Variants in PCBP4 observed in about 807,000 individuals in gnomAD.
PCBP4 encodes poly(rC)-binding protein 4.
A neutral mutation model predicts 46.2 loss-of-function variants in PCBP4; 24 were observed. That is an observed-to-expected ratio of 0.52 (90% CI 0.38 to 0.73). The LOEUF is 0.73. Among genes scored for constraint, PCBP4 ranks in the 30% least tolerant of loss-of-function variants. PCBP4 has a pLI of 0.00. For synonymous variants in PCBP4, 203 were observed against 224.4 expected (o/e 0.90, Z 0.85); for missense variants, 407 against 537.0 (o/e 0.76, Z 2.39).
At chr3:51,961,724 G>T in intron 2 of PCBP4, 1 of 992,048 alleles carries the variant, frequency 1.0e-6, no homozygotes, top group Non-Finnish European at 1.2e-6. Flanking sequence ...GGGCCCTGAA[G>T]GTGGAGTTCA....
chr3:51,959,806 C>G lies in PCBP4; in HGVS notation c.516+89G>C. Reference sequence around the variant, plus strand: ...TCCCTGCAGCCCTGCCCTGCCCCACCTGCAGCACAGGCATAGGGTTTGGGG... The same window carrying G: ...TCCCTGCAGCCCTGCCCTGCCCCACGTGCAGCACAGGCATAGGGTTTGGGG... On this transcript the variant is annotated intron_variant, in intron 8 of 13. Coordinates refer to ENST00000461554, the MANE Select transcript of PCBP4 (RefSeq NM_001174100.2). The surrounding 1 kb of genome is among the most constrained non-coding windows in gnomAD (Gnocchi z 5.6). The G allele has an allele frequency of 6.5e-7, 1 of 1,533,286 alleles. No homozygotes were observed. Among genetic ancestry groups the G allele is most frequent in the East Asian group, 2.3e-5 (1 of 44,368 alleles). 95.0% of individuals were successfully genotyped at this position (1,533,286 alleles called of 1,614,324 possible).
At chr3:51,965,520 C>A (rs1304979381) in intron 1 of PCBP4, among the ~76,000 whole-genome samples, 1 of 152,220 alleles carries the variant, frequency 6.6e-6, no homozygotes, top group African/African-American at 2.4e-5. Context: ...TCAAAGAAGT[C>A]CCCGCTGGGC....
intron 1 of PCBP4, among the ~76,000 whole-genome samples, chr3:51,963,979 G>A (rs1020278330): frequency 8.5e-5 from 13 of 152,304 alleles, no homozygotes; most frequent in African/African-American, 3.1e-4. Context: ...GGTCTTTGCC[G>A]GGCCACCCAC....
In PCBP4 at chr3:51,960,667, G is replaced by T; in HGVS notation, c.139-25C>A. On this transcript the variant is annotated intron_variant, in intron 5 of 13. Transcript: ENST00000461554. This position sits in a 1 kb window ranked among gnomAD's most constrained non-coding sequence, Gnocchi z 5.0. ...TCTGCAGATATAGAATGAGCGCCGG[G>T]CAGCGGGGCATCTTCCCTGCTCCCT... The T allele has an allele frequency of 6.3e-7, 1 of 1,575,746 alleles. No individual in the cohort carries two copies. Among genetic ancestry groups the T allele is most frequent in the African/African-American group, 1.3e-5 (1 of 74,200 alleles).
rs1577685028 is a variant in PCBP4 at position 51,961,293 on chromosome 3, A to G, written c.-53T>C. On this transcript the variant is annotated 5_prime_UTR_variant, in exon 3 of 14. Coordinates refer to ENST00000461554, the MANE Select transcript of PCBP4 (RefSeq NM_001174100.2). ...GACCTGCGAGTGTGTCCGCGCTGCA[A>G]CCTGGCCGGCTCTGGCAGGGGCAGC... The G allele has an allele frequency of 1.3e-6, 2 of 1,580,694 alleles. No homozygotes were observed. Among genetic ancestry groups the G allele is most frequent in the East Asian group, 2.3e-5 (1 of 43,628 alleles).
Position 51,964,420 on chromosome 3 carries a change from G to A in PCBP4, c.-212-2332C>T, listed in dbSNP as rs559640539. On this transcript the variant is annotated intron_variant, in intron 1 of 13. Coordinates refer to ENST00000461554, the MANE Select transcript of PCBP4 (RefSeq NM_001174100.2). ...CCAGGCGATTCAAGTAGACTGGCCC[G>A]CCCCTTGGGGGATTCCCTCCGCTCT... Among the ~76,000 whole-genome samples, 90 of 152,298 alleles carry A rather than the reference G, an allele frequency of 5.9e-4. No individual in the cohort carries two copies. The South Asian group carries it at 6.6e-3, about 11-fold the overall frequency.
rs535602109 is a variant in PCBP4, at chr3:51,958,671, A to G, written c.923+119T>C. On this transcript the variant is annotated intron_variant, in intron 13 of 13. Transcript: ENST00000461554. This position sits in a 1 kb window ranked among gnomAD's most constrained non-coding sequence, Gnocchi z 5.4. ...CATGGGGAATTGGAGTAGGGTTAGG[A>G]GAGGCAGAGGTCGGGCCCAGACAGA... 2.6e-6 allele frequency: 3 copies of G among 1,137,136 alleles called. No homozygotes were observed. Among genetic ancestry groups the G allele is most frequent in the African/African-American group, 3.1e-5 (2 of 64,716 alleles). The allele number at this position is 1,137,136 out of a possible 1,614,324, so 70.4% of individuals were successfully genotyped here. A position where few individuals can be genotyped will look rare whatever the true frequency, so the allele number is the denominator to read the frequency against.
chr3:51,961,582 G>A, intron 2 of PCBP4: 1 of 367,752 alleles, frequency 2.7e-6, no homozygotes, highest in Admixed American at 4.4e-5. Flanking sequence ...AAAACAATAA[G>A]CACATACATG....
chr3:51,960,531 C>T lies in PCBP4; in HGVS notation c.250G>A (p.Asp84Asn). The change falls in exon 6 of 14, where the codon GAT becomes AAT. Residue 84 changes from aspartate (D) to asparagine (N), a missense_variant. By Grantham distance (23) the Asp-to-Asn change is conservative. Coordinates refer to ENST00000461554, the MANE Select transcript of PCBP4 (RefSeq NM_001174100.2). The surrounding 1 kb of genome is among the most constrained non-coding windows in gnomAD (Gnocchi z 5.0). ...TGCCCTGGCCAGCCACGGACCTCAT[C>T]CAGTTTGAAAGCAATCATGGAGACT... is the stretch of plus-strand genomic sequence containing the variant. ...HAVSMIAFKL[D>N]EDLCAAPANG... The T allele has an allele frequency of 6.2e-7, 1 of 1,612,244 alleles. No homozygotes were observed. Among genetic ancestry groups the T allele is most frequent in the Non-Finnish European group, 8.5e-7 (1 of 1,178,268 alleles).
At chr3:51,964,683 T>C (rs1384024246) in intron 1 of PCBP4, among the ~76,000 whole-genome samples, 1 of 152,186 alleles carries the variant, frequency 6.6e-6, no homozygotes. Flanking sequence ...CACGTCTGCA[T>C]CGAGGGCTCC....
At position 51,960,279 on chromosome 3, in the gene PCBP4, C is replaced by T; in HGVS notation, c.297G>A (p.Arg99=). 1 of 1,614,086 alleles carries T rather than the reference C, an allele frequency of 6.2e-7. No individual in the cohort carries two copies. The highest frequency in any genetic ancestry group is 1.1e-5 in the South Asian group (1 of 91,082). The change falls in exon 7 of 14, where the codon AGG becomes AGA. Residue 99 remains arginine, a synonymous_variant. Coordinates refer to ENST00000461554, the MANE Select transcript of PCBP4 (RefSeq NM_001174100.2). This position sits in a 1 kb window ranked among gnomAD's most constrained non-coding sequence, Gnocchi z 5.0. ...TGACAAGGCGCAGGGTCACTGGAGGCCTGGAGACATTTCCACCATTTGCAG... is the reference window on the plus strand; with the variant it reads ...TGACAAGGCGCAGGGTCACTGGAGGTCTGGAGACATTTCCACCATTTGCAG... ...AAPANGGNVS[R]PPVTLRLVIP...
Position 51,961,755 on chromosome 3 carries a change from T to G in PCBP4, c.-65+186A>C, listed in dbSNP as rs369498457. 3 of 989,536 alleles carry G rather than the reference T, an allele frequency of 3.0e-6. No individual in the cohort carries two copies. In the African/African-American group the frequency reaches 5.2e-5, roughly 17 times the overall value. 61.3% of individuals were successfully genotyped at this position (989,536 alleles called of 1,614,324 possible). ...GTTCAGGCTGAAAGCTTACTCCATA[T>G]GAGAGGCACTTTCGTCCAGCAGCCA... On this transcript the variant is annotated intron_variant, in intron 2 of 13. Coordinates refer to ENST00000461554, the MANE Select transcript of PCBP4 (RefSeq NM_001174100.2).
chr3:51,959,891 G>A lies in PCBP4; in HGVS notation c.516+4C>T. Reference sequence around the variant, plus strand: ...CCCCCTCTCTCCCTGCCCCAGGGCAGCACCTCCAGGATAACAGCGCAGATC... The same window carrying A: ...CCCCCTCTCTCCCTGCCCCAGGGCAACACCTCCAGGATAACAGCGCAGATC... On this transcript the variant is annotated splice_donor_region_variant and intron_variant, in intron 8 of 13. Coordinates refer to ENST00000461554, the MANE Select transcript of PCBP4 (RefSeq NM_001174100.2). The surrounding 1 kb of genome is among the most constrained non-coding windows in gnomAD (Gnocchi z 5.6). The A allele has an allele frequency of 6.3e-7, 1 of 1,579,678 alleles. No homozygotes were observed.
In PCBP4 at chr3:51,959,748, G is replaced by A. The variant is rs1000663011; in HGVS notation, c.517-97C>T. ...TCAGGCCCCCACCATGACCCCCAGG[G>A]AAATGCACATGATCCCTGGAGCTCA... On this transcript the variant is annotated intron_variant, in intron 8 of 13. Coordinates refer to ENST00000461554, the MANE Select transcript of PCBP4 (RefSeq NM_001174100.2). This position sits in a 1 kb window ranked among gnomAD's most constrained non-coding sequence, Gnocchi z 5.6. The A allele has an allele frequency of 1.4e-6, 2 of 1,460,354 alleles. No individual in the cohort carries two copies. The highest frequency in any genetic ancestry group is 1.9e-6 in the Non-Finnish European group (2 of 1,072,166). 90.5% of individuals were successfully genotyped at this position (1,460,354 alleles called of 1,614,324 possible). A position where few individuals can be genotyped will look rare whatever the true frequency, so the allele number is the denominator to read the frequency against.
chr3:51,964,661 C>T (rs1700333324), intron 1 of PCBP4, among the ~76,000 whole-genome samples: 1 of 152,176 alleles, frequency 6.6e-6, no homozygotes, highest in Non-Finnish European at 1.5e-5. Context: ...GGGGGTGGAC[C>T]CTGGGCCACA....
chr3:51,960,879 C>T lies in PCBP4; in HGVS notation c.125G>A (p.Arg42Gln), dbSNP rs542301965. Residue 42 changes from arginine (R) to glutamine (Q), a missense_variant, in exon 5 of 14, where the codon CGA (arginine) becomes CAA (glutamine). By Grantham distance (43) the Arg-to-Gln change is conservative (BLOSUM62 1). Transcript: ENST00000461554. The surrounding 1 kb of genome is among the most constrained non-coding windows in gnomAD (Gnocchi z 5.0). ...CTCCATCCTCACCTGCTCCCGGATT[C>T]GCTTTACAGTCTCGCCCTTCTGTGG... Reference protein sequence around the residue: ...IIGKKGETVKRIREQSSARIT... With the variant: ...IIGKKGETVKQIREQSSARIT... 3.7e-6 allele frequency: 6 copies of T among 1,613,730 alleles called. No homozygotes were observed. In the East Asian group the frequency reaches 6.7e-5, roughly 18 times the overall value.
At chr3:51,965,291 C>A (rs569107709) in intron 1 of PCBP4, among the ~76,000 whole-genome samples, 106 of 152,368 alleles carry the variant, frequency 7.0e-4, no homozygotes, top group African/African-American at 2.5e-3. Context: ...CTTGTCTCAT[C>A]TCCACCCCAT....
chr3:51,960,752 C>T lies in PCBP4; in HGVS notation c.139-110G>A. 2 of 1,475,872 alleles carry T rather than the reference C, an allele frequency of 1.4e-6. No homozygotes were observed. The highest frequency in any genetic ancestry group is 1.9e-6 in the Non-Finnish European group (2 of 1,054,460). The allele number at this position is 1,475,872 out of a possible 1,614,324, so 91.4% of individuals were successfully genotyped here. A position where few individuals can be genotyped will look rare whatever the true frequency, so the allele number is the denominator to read the frequency against. On this transcript the variant is annotated intron_variant, in intron 5 of 13. Coordinates refer to ENST00000461554, the MANE Select transcript of PCBP4 (RefSeq NM_001174100.2). This position sits in a 1 kb window ranked among gnomAD's most constrained non-coding sequence, Gnocchi z 5.0. Reference sequence around the variant, plus strand: ...CCTGAGGCAAGGCTCAAAACTGCCACCCTCTGGGGGACTCACTGGTCAGCC... The same window carrying T: ...CCTGAGGCAAGGCTCAAAACTGCCATCCTCTGGGGGACTCACTGGTCAGCC...
chr3:51,959,432 A>G lies in PCBP4; in HGVS notation c.592-21T>C. The G allele has an allele frequency of 6.3e-7, 1 of 1,595,732 alleles. No individual in the cohort carries two copies. Among genetic ancestry groups the G allele is most frequent in the Non-Finnish European group, 8.5e-7 (1 of 1,169,870 alleles). ...AAGCCCTGTGGGGACAAAGTGGATG[A>G]AAAGGGGGTTACTGTGACATTGCAG... On this transcript the variant is annotated intron_variant, in intron 9 of 13. Coordinates refer to ENST00000461554, the MANE Select transcript of PCBP4 (RefSeq NM_001174100.2). This position sits in a 1 kb window ranked among gnomAD's most constrained non-coding sequence, Gnocchi z 5.6.
Sources: allele counts gnomAD v4.1 joint callset (sites outside exome capture counted in the v4.1 genomes callset), GRCh38; gene constraint gnomAD v4.1.1; non-coding constraint Gnocchi (gnomAD v3.1); transcripts MANE v1.5; gene names NCBI Gene and HGNC (gene_info 2026-07-23, HGNC 2026-07-21).